JMJD1C: variants seen among roughly 807,000 people sequenced by gnomAD.
JMJD1C encodes jumonji domain containing 1C, also known as jumonji domain-containing protein 1C.
In JMJD1C, 31 loss-of-function variants were observed where a neutral mutation model predicts 245.3. The observed-to-expected ratio is 0.13, with a 90% CI of 0.09 to 0.17. The LOEUF (loss-of-function observed/expected upper bound fraction) is 0.17, where lower values mean the gene tolerates loss of function less well. JMJD1C is among the 10% of genes least tolerant of loss of function. JMJD1C has a pLI of 1.00. For synonymous variants in JMJD1C, 1,057 were observed against 1,017.4 expected, an observed-to-expected ratio of 1.04 and a Z score of -0.74; for missense variants, 2,691 against 3,000.2, an observed-to-expected ratio of 0.90 and a Z score of 2.41.
chr10:63,395,024 AAATT>A (rs1212856656), intron 1 of JMJD1C, among the ~76,000 whole-genome samples: 3 of 152,226 alleles, frequency 2.0e-5, no homozygotes, highest in African/African-American at 7.2e-5. Context: ...CAATAAAAGA[AAATT>A]AATTCAAAAA....
At chr10:63,226,824 G>T (rs7896880) in intron 3 of JMJD1C, among the ~76,000 whole-genome samples, 9 of 151,528 alleles carry the variant, frequency 5.9e-5, no homozygotes, top group Admixed American at 2.6e-4. Context: ...TTGGGAAGCC[G>T]AGGTGGGTGG....
At chr10:63,402,401 A>G (rs1035814931) in intron 1 of JMJD1C, among the ~76,000 whole-genome samples, 1 of 152,162 alleles carries the variant, frequency 6.6e-6, no homozygotes, top group African/African-American at 2.4e-5. Flanking sequence ...GAGTGAATAA[A>G]TGAAATTGTG....
intron 2 of JMJD1C, among the ~76,000 whole-genome samples, chr10:63,295,396 G>A (rs1398324401): frequency 6.6e-6 from 1 of 151,816 alleles, no homozygotes. Flanking sequence ...ACCATGCCTA[G>A]CCTGCATTTA....
rs1427568480 is a variant in JMJD1C, at chr10:63,194,278, A to C, written c.5734+8T>G. The stretch of plus-strand genomic sequence containing the variant: ...AGCAGTTATATTACATGAAGAAGAT[A>C]TACTTACCAGAACCAGGTATAATTT... On this transcript the variant is annotated splice_region_variant and intron_variant, in intron 14 of 25. Transcript: ENST00000399262. The C allele has an allele frequency of 6.4e-7, 1 of 1,572,738 alleles. No homozygotes were observed. The highest frequency in any genetic ancestry group is 2.2e-5 in the East Asian group (1 of 44,638).
chr10:63,271,084 T>C (rs1226176376), intron 2 of JMJD1C, among the ~76,000 whole-genome samples: 3 of 152,170 alleles, frequency 2.0e-5, no homozygotes, highest in South Asian at 2.1e-4. Flanking sequence ...GAATTATATA[T>C]GGTAACATGC....
chr10:63,362,277 C>T (rs1159993033), intron 2 of JMJD1C, among the ~76,000 whole-genome samples: 1 of 150,962 alleles, frequency 6.6e-6, no homozygotes, highest in Non-Finnish European at 1.5e-5. Context: ...GAAGTGTTTA[C>T]CAATAAAATC....
intron 1 of JMJD1C, among the ~76,000 whole-genome samples, chr10:63,483,699 A>G (rs1953896996): frequency 6.6e-6 from 1 of 152,192 alleles, no homozygotes; most frequent in Non-Finnish European, 1.5e-5. Flanking sequence ...TCTTGATTAT[A>G]CTTGCAAATG....
rs186464870 is a variant in JMJD1C at position 63,256,057 on chromosome 10, T to C, written c.447+8594A>G. ...CATAATTTCACATACTTTAAATTCATAGCAGCAGCTATGAAAATTTAAAAG... is the reference window on the plus strand; with the variant it reads ...CATAATTTCACATACTTTAAATTCACAGCAGCAGCTATGAAAATTTAAAAG... On this transcript the variant is annotated intron_variant, in intron 3 of 25. Coordinates refer to ENST00000399262, the MANE Select transcript of JMJD1C (RefSeq NM_032776.3). Among the ~76,000 whole-genome samples, 103 of 152,332 alleles carry C rather than the reference T, an allele frequency of 6.8e-4. No individual in the cohort carries two copies. The East Asian group carries it at 8.3e-3, about 12-fold the overall frequency.
chr10:63,490,415 T>C (rs1319204837), intron 1 of JMJD1C, among the ~76,000 whole-genome samples: 3 of 126,386 alleles, frequency 2.4e-5, no homozygotes, highest in Non-Finnish European at 5.5e-5. Context: ...AATTATTTAT[T>C]TATTTTATTT....
At chr10:63,430,635 T>C (rs994788227) in intron 1 of JMJD1C, among the ~76,000 whole-genome samples, 1 of 152,150 alleles carries the variant, frequency 6.6e-6, no homozygotes, top group African/African-American at 2.4e-5. Context: ...TGAGTTTCTT[T>C]TGGGGGTATA....
intron 2 of JMJD1C, among the ~76,000 whole-genome samples, chr10:63,371,758 G>A (rs1484931504): frequency 6.6e-6 from 1 of 152,084 alleles, no homozygotes; most frequent in Non-Finnish European, 1.5e-5. Flanking sequence ...TGCAATACAT[G>A]CCAGTATTAG....
intron 8 of JMJD1C, among the ~76,000 whole-genome samples, chr10:63,210,167 T>C (rs760346386): frequency 6.6e-6 from 1 of 152,096 alleles, no homozygotes; most frequent in Non-Finnish European, 1.5e-5. Flanking sequence ...AAGGATCAAA[T>C]ATGTGTCTCA....
chr10:63,305,497 G>A (rs1441539681), intron 2 of JMJD1C, among the ~76,000 whole-genome samples: 2 of 101,960 alleles, frequency 2.0e-5, no homozygotes, highest in Admixed American at 1.9e-4. Flanking sequence ...TCTCTCTCTG[G>A]AGGCAAGGTC....
At chr10:63,473,294 G>A (rs1003776123) in intron 1 of JMJD1C, among the ~76,000 whole-genome samples, 2 of 151,750 alleles carry the variant, frequency 1.3e-5, no homozygotes, top group South Asian at 2.1e-4. Context: ...CATCCAGGCT[G>A]GAGTGCAGTG....
intron 3 of JMJD1C, among the ~76,000 whole-genome samples, chr10:63,244,216 TC>T (rs1200682057): frequency 1.3e-5 from 2 of 152,096 alleles, no homozygotes; most frequent in Non-Finnish European, 2.9e-5. Flanking sequence ...GGAGATTAGT[TC>T]CACAGGTACC....
At chr10:63,216,688 C>T (rs778412360) in intron 5 of JMJD1C, among the ~76,000 whole-genome samples, 29 of 151,914 alleles carry the variant, frequency 1.9e-4, no homozygotes, top group Non-Finnish European at 3.2e-4. Context: ...CCAGCCTGGG[C>T]GACAGAGCGA....
At chr10:63,317,791 T>G (rs1342411381) in intron 2 of JMJD1C, among the ~76,000 whole-genome samples, 1 of 152,172 alleles carries the variant, frequency 6.6e-6, no homozygotes, top group Admixed American at 6.6e-5. Context: ...TCCCATCTAT[T>G]CTATCTGTGC....
intron 2 of JMJD1C, 79 bp from the exon 3 acceptor site, chr10:63,264,843 A>C: frequency 1.5e-6 from 1 of 677,978 alleles, no homozygotes; most frequent in Non-Finnish European, 2.6e-6. Flanking sequence ...CACCAATACA[A>C]TGTATCAATG....
upstream of JMJD1C, among the ~76,000 whole-genome samples, chr10:63,467,454 G>A (rs1331036318): frequency 6.6e-6 from 1 of 152,230 alleles, no homozygotes; most frequent in Non-Finnish European, 1.5e-5. Context: ...GTTGCAGTGA[G>A]CCGGGATCGT....
Sources: allele counts gnomAD v4.1 joint callset (sites outside exome capture counted in the v4.1 genomes callset), GRCh38; gene constraint gnomAD v4.1.1; transcripts MANE v1.5; gene names NCBI Gene and HGNC (gene_info 2026-07-23, HGNC 2026-07-21).